The following FAM120A variants were observed in gnomAD, a reference collection of about 807,000 sequenced individuals.
FAM120A encodes the protein family with sequence similarity 120 member A, also known as constitutive coactivator of PPAR-gamma-like protein 1.
A neutral mutation model predicts 109.7 loss-of-function variants in FAM120A; 15 were observed. That is an observed-to-expected ratio of 0.14 (90% CI 0.09 to 0.21). FAM120A has a LOEUF of 0.21. Among genes scored for constraint, FAM120A ranks in the 10% least tolerant of loss-of-function variants. The probability of loss-of-function intolerance (pLI) is 1.00; values close to 1 mark genes in which losing one functional copy is unlikely to be tolerated. For missense variants in FAM120A, 899 were observed against 1,439.3 expected (o/e 0.62, Z 6.07); for synonymous variants, 493 against 572.8 (o/e 0.86, Z 1.99).
In FAM120A at chr9:93,556,568, C is replaced by G. The variant is rs765159536; in HGVS notation, c.2461C>G (p.Leu821Val). Residue 821 changes from leucine (L) to valine (V), a missense_variant, in exon 13 of 18, where the codon CTC becomes GTC. Around this residue, in one of 11 missense-constraint regions of FAM120A, gnomAD observed 31 missense variants for 73.0 expected, o/e 0.42. Coordinates refer to ENST00000277165, the MANE Select transcript of FAM120A (RefSeq NM_014612.5). ...CAAAGCCAGCCGGGAAAAGACCCCA[C>G]TCATTGACCTCTGTGATGGTCAGGT... ...LLKASREKTP[L>V]IDLCDGQADQ... The G allele has an allele frequency of 1.2e-6, 2 of 1,614,246 alleles. No individual in the cohort carries two copies. Among genetic ancestry groups the G allele is most frequent in the Admixed American group, 3.3e-5 (2 of 60,032 alleles).
At chr9:93,533,902 A>G (rs1034875151) in intron 10 of FAM120A, among the ~76,000 whole-genome samples, 1 of 152,226 alleles carries the variant, frequency 6.6e-6, no homozygotes, top group African/African-American at 2.4e-5. Flanking sequence ...TTTACATAGC[A>G]AACTCCTTCA....
chr9:93,537,183 G>A (rs1486525005), intron 10 of FAM120A, among the ~76,000 whole-genome samples: 1 of 152,212 alleles, frequency 6.6e-6, no homozygotes, highest in African/African-American at 2.4e-5. Flanking sequence ...CGTTCCTGTG[G>A]TGGAGGTGGT....
rs1857347068 is a variant in FAM120A at position 93,452,991 on chromosome 9, C to G, written c.474+602C>G. ...TGCCCTGTCCGTGTTCCTCTTAGTA[C>G]AGGGTGTTTAGAGAATCTTTCTATG... is the stretch of plus-strand genomic sequence containing the variant. On this transcript the variant is annotated intron_variant, in intron 1 of 17. Coordinates refer to ENST00000277165, the MANE Select transcript of FAM120A (RefSeq NM_014612.5). The surrounding 1 kb of genome is among the most constrained non-coding windows in gnomAD (Gnocchi z 7.0). The G allele has an allele frequency of 7.7e-7, 1 of 1,300,350 alleles. No individual in the cohort carries two copies. The highest frequency in any genetic ancestry group is 9.8e-7 in the Non-Finnish European group (1 of 1,025,028). The allele number at this position is 1,300,350 out of a possible 1,614,324, so 80.6% of individuals were successfully genotyped here. A position where few individuals can be genotyped will look rare whatever the true frequency, so the allele number is the denominator to read the frequency against.
chr9:93,536,791 C>A (rs1168640184), intron 10 of FAM120A, among the ~76,000 whole-genome samples: 1 of 152,188 alleles, frequency 6.6e-6, no homozygotes, highest in Non-Finnish European at 1.5e-5. Context: ...AAAAAAAATT[C>A]TTTTGAAAGT....
At chr9:93,559,887 A>G (rs1011446394) in intron 15 of FAM120A, among the ~76,000 whole-genome samples, 18 of 152,252 alleles carry the variant, frequency 1.2e-4, no homozygotes, top group African/African-American at 4.3e-4. Flanking sequence ...ACTGCCTAGT[A>G]TAGTAGCTGC....
At chr9:93,470,704 T>C (rs924703991) in intron 1 of FAM120A, among the ~76,000 whole-genome samples, 32 of 152,206 alleles carry the variant, frequency 2.1e-4, no homozygotes, top group Non-Finnish European at 4.7e-4. Context: ...ACCTGACACA[T>C]TTGATCTACT....
At chr9:93,554,878 G>T (rs565697427) in intron 12 of FAM120A, among the ~76,000 whole-genome samples, 2 of 152,316 alleles carry the variant, frequency 1.3e-5, no homozygotes, top group South Asian at 4.1e-4. Context: ...AGAAGCAGCG[G>T]AGCCCCACCT....
intron 14 of FAM120A, among the ~76,000 whole-genome samples, chr9:93,558,221 C>T (rs1244248268): frequency 6.6e-6 from 1 of 152,220 alleles, no homozygotes; most frequent in Admixed American, 6.5e-5. Flanking sequence ...AAAAGCTGCA[C>T]CGTAAAATCT....
intron 3 of FAM120A, among the ~76,000 whole-genome samples, chr9:93,478,889 G>T (rs1199621618): frequency 2.6e-5 from 4 of 152,090 alleles, no homozygotes; most frequent in Non-Finnish European, 5.9e-5. Context: ...CATGACTGAT[G>T]GATGTGCTAC....
intron 3 of FAM120A, 144 bp downstream of exon 3, chr9:93,476,482 C>A: frequency 1.7e-6 from 1 of 597,912 alleles, no homozygotes. Context: ...ATCTGCACTG[C>A]CTTAAAAAGC....
At chr9:93,453,322 G>A in intron 1 of FAM120A, 1 of 986,650 alleles carries the variant, frequency 1.0e-6, no homozygotes, top group Non-Finnish European at 1.2e-6. Flanking sequence ...CACTGGGCCA[G>A]AGGAGAACTT....
chr9:93,481,167 G>A (rs961102833), intron 3 of FAM120A, among the ~76,000 whole-genome samples: 1 of 152,270 alleles, frequency 6.6e-6, no homozygotes, highest in South Asian at 2.1e-4. Flanking sequence ...GCCTGCGGCT[G>A]TGGCAGTCCA....
chr9:93,469,622 T>TA (rs1232897362), intron 1 of FAM120A, among the ~76,000 whole-genome samples: 4 of 152,054 alleles, frequency 2.6e-5, no homozygotes, highest in Admixed American at 6.6e-5. Context: ...ATTTTGGATT[T>TA]AAAAAAAATC....
chr9:93,476,181 ATATGCAGC>A, intron 2 of FAM120A, 67 bp from the exon 3 acceptor site: 1 of 962,480 alleles, frequency 1.0e-6, no homozygotes, highest in South Asian at 1.4e-5. Flanking sequence ...ATAGGTGACA[ATATGCAGC>A]ACTTTTGAAA....
chr9:93,451,898 C>A lies in FAM120A; in HGVS notation c.-18C>A, dbSNP rs1248681638. ...GCCGCCCCCCGCCCGCACCCGCGCC[C>A]GCGCCCCCGCCGCCGCCATGGGCGT... is the stretch of plus-strand genomic sequence containing the variant. On this transcript the variant is annotated 5_prime_UTR_variant, in exon 1 of 18. Transcript: ENST00000277165. The A allele has an allele frequency of 1.6e-6, 2 of 1,260,954 alleles. No individual in the cohort carries two copies. The highest frequency in any genetic ancestry group is 3.0e-4 in the Middle Eastern group (1 of 3,288). 78.1% of individuals were successfully genotyped at this position (1,260,954 alleles called of 1,614,324 possible).
Position 93,451,823 on chromosome 9 carries a change from CCCCGCCCGCCAG to C in FAM120A, c.-83_-72del. 4 of 968,042 alleles carry C rather than the reference CCCCGCCCGCCAG, an allele frequency of 4.1e-6. No homozygotes were observed. The highest frequency in any genetic ancestry group is 1.8e-5 in the African/African-American group (1 of 55,992). 60.0% of individuals were successfully genotyped at this position (968,042 alleles called of 1,614,324 possible). On this transcript the variant is annotated 5_prime_UTR_variant, in exon 1 of 18. Transcript: ENST00000277165. ...CCCAGTCCCCCCTAGAGGCCGCCGC[CCCCGCCCGCCAG>C]CCCGCCCGCGCGCCACGGCCCCACC...
chr9:93,538,030 C>A (rs1230923492), intron 10 of FAM120A, among the ~76,000 whole-genome samples: 6 of 142,868 alleles, frequency 4.2e-5, no homozygotes, highest in African/African-American at 1.5e-4. Flanking sequence ...TTTCATAAGT[C>A]CTTGTACTCT....
chr9:93,548,997 C>A (rs935180135), intron 11 of FAM120A, among the ~76,000 whole-genome samples: 1 of 152,056 alleles, frequency 6.6e-6, no homozygotes. Flanking sequence ...GAGCCGAGAT[C>A]ATGCCACCGC....
chr9:93,507,211 G>A (rs1162631644), intron 5 of FAM120A, among the ~76,000 whole-genome samples: 1 of 152,150 alleles, frequency 6.6e-6, no homozygotes, highest in Non-Finnish European at 1.5e-5. Context: ...GTTCTCCTCT[G>A]TGGGAGGCAG....
Sources: gnomAD v4.1 joint callset for allele counts (sites outside exome capture counted in the v4.1 genomes callset) on GRCh38, gnomAD v4.1.1 for gene constraint, gnomAD v4.1.1 regional missense constraint, Gnocchi (gnomAD v3.1) non-coding constraint, MANE v1.5 for transcripts, NCBI Gene and HGNC (gene_info 2026-07-23, HGNC 2026-07-21) for gene names.